The following SCAPER variants were observed in gnomAD, a reference collection of about 807,000 sequenced individuals.
SCAPER encodes the protein S-phase cyclin A associated protein in the ER.
In SCAPER, 98 loss-of-function variants were observed where a neutral mutation model predicts 182.2. The observed-to-expected ratio is 0.54, with a 90% CI of 0.46 to 0.64. SCAPER has a LOEUF of 0.64. Ranked by LOEUF, SCAPER falls within the 30% of genes least tolerant of loss-of-function variation. The pLI is 0.00. For synonymous variants in SCAPER, 605 were observed against 564.6 expected, an observed-to-expected ratio of 1.07 and a Z score of -1.01; for missense variants, 1,432 against 1,690.0, an observed-to-expected ratio of 0.85 and a Z score of 2.68.
rs1210430007 is a variant in SCAPER at position 76,600,043 on chromosome 15, T to A, written c.2711+21721A>T. On this transcript the variant is annotated intron_variant, in intron 22 of 31. Transcript: ENST00000563290. ...CATGCATCAAAATCTGATGGATTGATAATGGATAAAGGGATGGAAAGATGA... is the reference window on the plus strand; with the variant it reads ...CATGCATCAAAATCTGATGGATTGAAAATGGATAAAGGGATGGAAAGATGA... 1.6e-5 allele frequency among the ~76,000 whole-genome samples: 2 copies of A among 121,316 alleles called. 1 individual carries two copies. Among genetic ancestry groups the A allele is most frequent in the Admixed American group, 1.9e-4 (2 of 10,544 alleles). The allele number at this position is 121,316 out of a possible 152,430, so 79.6% of individuals were successfully genotyped here.
At chr15:76,806,688 C>A (rs1442528518) in intron 5 of SCAPER, among the ~76,000 whole-genome samples, 1 of 152,162 alleles carries the variant, frequency 6.6e-6, no homozygotes, top group East Asian at 1.9e-4. Flanking sequence ...TTCTGAATAT[C>A]TTTTCCTTTA....
chr15:76,473,421 G>C (rs2050359963), intron 24 of SCAPER, among the ~76,000 whole-genome samples: 1 of 152,222 alleles, frequency 6.6e-6, no homozygotes, highest in Admixed American at 6.5e-5. Flanking sequence ...GAGCAACAAG[G>C]TCAATGGGCA....
intron 23 of SCAPER, among the ~76,000 whole-genome samples, chr15:76,505,877 A>T (rs889715635): frequency 2.0e-5 from 3 of 152,194 alleles, no homozygotes; most frequent in African/African-American, 4.8e-5. Flanking sequence ...GATAAAGAAA[A>T]CGTAGTACAT....
intron 5 of SCAPER, among the ~76,000 whole-genome samples, chr15:76,819,585 T>C (rs1159083409): frequency 6.6e-6 from 1 of 152,158 alleles, no homozygotes; most frequent in Non-Finnish European, 1.5e-5. Flanking sequence ...AACCCATCTG[T>C]ACGTCATCAT....
chr15:76,615,012 C>T (rs949547763), intron 22 of SCAPER, among the ~76,000 whole-genome samples: 1 of 152,064 alleles, frequency 6.6e-6, no homozygotes, highest in African/African-American at 2.4e-5. Flanking sequence ...AATTGGATAA[C>T]CTACACAAAA....
At chr15:76,716,697 G>C (rs11629727) in intron 17 of SCAPER, among the ~76,000 whole-genome samples, 41,402 of 151,346 alleles carry the variant, frequency 0.27, 6,446 homozygotes, top group East Asian at 0.55. Context: ...CAGCAGACTA[G>C]ATCAAGCAGA....
chr15:76,867,666 T>C (rs2072397209), intron 2 of SCAPER, among the ~76,000 whole-genome samples: 1 of 152,176 alleles, frequency 6.6e-6, no homozygotes, highest in South Asian at 2.1e-4. Flanking sequence ...ACCGAGTCTA[T>C]CTCCTAAACA....
chr15:76,779,506 G>A (rs979291060), intron 8 of SCAPER, among the ~76,000 whole-genome samples: 3 of 151,944 alleles, frequency 2.0e-5, no homozygotes, highest in African/African-American at 7.2e-5. Flanking sequence ...AGATAAAATA[G>A]ACAATCTGGA....
chr15:76,801,982 C>A (rs1373311657), intron 6 of SCAPER, among the ~76,000 whole-genome samples: 3 of 151,830 alleles, frequency 2.0e-5, no homozygotes, highest in Non-Finnish European at 4.4e-5. Context: ...GGTAACCACT[C>A]TGTTAAGCTT....
intron 20 of SCAPER, among the ~76,000 whole-genome samples, chr15:76,694,778 C>T (rs1567822739): frequency 6.6e-6 from 1 of 151,988 alleles, no homozygotes. Context: ...AAAGAAAAAT[C>T]ATAAGATATT....
chr15:76,409,031 G>A lies in SCAPER; in HGVS notation c.3312-4352C>T, dbSNP rs569790372. Among the ~76,000 whole-genome samples, 11 of 152,158 alleles carry A rather than the reference G, an allele frequency of 7.2e-5. No individual in the cohort carries two copies. In the South Asian group the frequency reaches 2.3e-3, roughly 32 times the overall value. On this transcript the variant is annotated intron_variant, in intron 26 of 31. Transcript: ENST00000563290. ...GAGTATCGTCTCCTATAGGTTACTGGGCCATCTACAGTGCCTACTAATGAG... is the reference window on the plus strand; with the variant it reads ...GAGTATCGTCTCCTATAGGTTACTGAGCCATCTACAGTGCCTACTAATGAG...
chr15:76,574,118 A>C (rs2047647762), intron 23 of SCAPER, 40 bp downstream of exon 23: 1 of 1,566,396 alleles, frequency 6.4e-7, no homozygotes, highest in African/African-American at 1.3e-5. Context: ...AGAAAGGATC[A>C]CAAAGATTAA....
At chr15:76,620,106 A>G (rs977981943) in intron 22 of SCAPER, among the ~76,000 whole-genome samples, 3 of 152,112 alleles carry the variant, frequency 2.0e-5, no homozygotes, top group Non-Finnish European at 4.4e-5. Context: ...GTTTTCTCTT[A>G]AATATTTTAC....
intron 5 of SCAPER, among the ~76,000 whole-genome samples, chr15:76,820,790 T>C (rs1351145833): frequency 6.7e-6 from 1 of 148,484 alleles, no homozygotes; most frequent in Non-Finnish European, 1.5e-5. Flanking sequence ...ATAAGAAAAA[T>C]AATTTGATTA....
At chr15:76,635,831 C>G (rs932768664) in intron 21 of SCAPER, among the ~76,000 whole-genome samples, 1 of 152,140 alleles carries the variant, frequency 6.6e-6, no homozygotes, top group Admixed American at 6.5e-5. Flanking sequence ...TTATGTTCCC[C>G]TTCATTCTAT....
chr15:76,512,398 T>G (rs2042117005), intron 23 of SCAPER, among the ~76,000 whole-genome samples: 2 of 151,976 alleles, frequency 1.3e-5, no homozygotes, highest in South Asian at 4.1e-4. Flanking sequence ...AGAAGGGAAC[T>G]AAACTCTCCT....
At chr15:76,532,777 A>G (rs2043789676) in intron 23 of SCAPER, among the ~76,000 whole-genome samples, 3 of 152,298 alleles carry the variant, frequency 2.0e-5, no homozygotes, top group South Asian at 4.1e-4. Flanking sequence ...AAATATAGAA[A>G]AGATGGATGG....
chr15:76,838,792 T>A (rs1235844891), intron 5 of SCAPER, among the ~76,000 whole-genome samples: 1 of 152,140 alleles, frequency 6.6e-6, no homozygotes, highest in East Asian at 1.9e-4. Flanking sequence ...GACACCAAAA[T>A]CAGTCCACAC....
In SCAPER at chr15:76,656,398, A is replaced by C. The variant is rs533771218; in HGVS notation, c.2645+9255T>G. Among the ~76,000 whole-genome samples, 8 of 152,332 alleles carry C rather than the reference A, an allele frequency of 5.3e-5. No homozygotes were observed. The East Asian group carries it at 1.5e-3, about 29-fold the overall frequency. ...AACACAGGAGCACATAGATTCATAA[A>C]ACAAGTTCTTATAAACTTATGAAAA... On this transcript the variant is annotated intron_variant, in intron 21 of 31. Coordinates refer to ENST00000563290, the MANE Select transcript of SCAPER (RefSeq NM_020843.4).
Sources: allele counts gnomAD v4.1 joint callset (sites outside exome capture counted in the v4.1 genomes callset), GRCh38; gene constraint gnomAD v4.1.1; transcripts MANE v1.5; gene names NCBI Gene and HGNC (gene_info 2026-07-23, HGNC 2026-07-21).